SYT9: variants seen among roughly 807,000 people sequenced by gnomAD.
SYT9 encodes the protein synaptotagmin-9.
In SYT9, 22 loss-of-function variants were observed where a neutral mutation model predicts 48.4. The observed-to-expected ratio is 0.45, with a 90% CI of 0.32 to 0.65. The LOEUF is 0.65. SYT9 is among the 30% of genes least tolerant of loss of function. The pLI is 0.03. For missense variants in SYT9, 577 were observed against 622.0 expected (o/e 0.93, Z 0.77); for synonymous variants, 265 against 245.0 (o/e 1.08, Z -0.76).
chr11:7,393,366 C>CT (rs35223641), intron 3 of SYT9, among the ~76,000 whole-genome samples: 158 of 145,270 alleles, frequency 1.1e-3, no homozygotes, highest in African/African-American at 2.6e-3. Context: ...TTGAGATGAT[C>CT]TTTTTTTTTA....
chr11:7,272,564 A>G (rs1348120303), intron 1 of SYT9, among the ~76,000 whole-genome samples: 3 of 152,120 alleles, frequency 2.0e-5, no homozygotes, highest in South Asian at 2.1e-4. Context: ...GGAACTTACC[A>G]TGGACTGGTC....
chr11:7,299,304 C>A (rs12799959), intron 1 of SYT9, among the ~76,000 whole-genome samples: 40,035 of 151,942 alleles, frequency 0.26, 6,021 homozygotes, highest in South Asian at 0.39. Flanking sequence ...CTTTCTAGCA[C>A]CTCTTTCTGA....
rs574043937 is a variant in SYT9, at chr11:7,444,717, G to A, written c.1468-22075G>A. ...CCTGGCTTGTGGTTGCTGCCTCCCTGGGGGCCTGCACCACATAAAGGGCCA... is the reference window on the plus strand; with the variant it reads ...CCTGGCTTGTGGTTGCTGCCTCCCTAGGGGCCTGCACCACATAAAGGGCCA... On this transcript the variant is annotated intron_variant, in intron 6 of 6. Coordinates refer to ENST00000318881, the MANE Select transcript of SYT9 (RefSeq NM_175733.4). Among the ~76,000 whole-genome samples, 129 of 152,220 alleles carry A rather than the reference G, an allele frequency of 8.5e-4. 1 individual carries two copies. The highest frequency in any genetic ancestry group is 3.6e-3 in the Admixed American group (55 of 15,296).
In SYT9 at chr11:7,331,195, T is replaced by G. The variant is rs189479994; in HGVS notation, c.1044+17254T>G. Among the ~76,000 whole-genome samples the G allele has an allele frequency of 4.5e-5, 4 of 89,250 alleles. No homozygotes were observed. The East Asian group carries it at 3.6e-3, about 80-fold the overall frequency. 58.6% of individuals were successfully genotyped at this position (89,250 alleles called of 152,430 possible). On this transcript the variant is annotated intron_variant, in intron 3 of 6. Transcript: ENST00000318881. Reference sequence around the variant, plus strand: ...TTGGAGAAGTGTAAAGATAAAACATTAAAAAATGTGCAAAAGGGATAGCAG... The same window carrying G: ...TTGGAGAAGTGTAAAGATAAAACATGAAAAAATGTGCAAAAGGGATAGCAG...
At chr11:7,400,941 T>C (rs968703993) in intron 3 of SYT9, among the ~76,000 whole-genome samples, 4 of 152,194 alleles carry the variant, frequency 2.6e-5, no homozygotes, top group Non-Finnish European at 5.9e-5. Flanking sequence ...ACAGGTATTC[T>C]GGTGATGCTA....
chr11:7,297,931 A>G (rs1848844597), intron 1 of SYT9, among the ~76,000 whole-genome samples: 1 of 152,060 alleles, frequency 6.6e-6, no homozygotes. Flanking sequence ...TTTCAAATTC[A>G]TTTTGTCTCT....
chr11:7,320,254 G>A (rs1849314586), intron 3 of SYT9, among the ~76,000 whole-genome samples: 1 of 152,094 alleles, frequency 6.6e-6, no homozygotes, highest in Non-Finnish European at 1.5e-5. Context: ...AGGAAAAGGT[G>A]GCTCAAAATG....
At chr11:7,444,395 A>G (rs1429460444) in intron 6 of SYT9, 4 of 152,210 alleles carry the variant, frequency 2.6e-5, no homozygotes, top group Non-Finnish European at 5.9e-5. Context: ...GGAGGCTGCA[A>G]TGTATTTTGC....
intron 3 of SYT9, among the ~76,000 whole-genome samples, chr11:7,350,381 C>T (rs566017696): frequency 6.6e-6 from 1 of 152,258 alleles, no homozygotes; most frequent in Non-Finnish European, 1.5e-5. Flanking sequence ...CTCCAACAAC[C>T]CTCTTTGTCT....
At chr11:7,262,392 G>C (rs1479768038) in intron 1 of SYT9, among the ~76,000 whole-genome samples, 1 of 152,048 alleles carries the variant, frequency 6.6e-6, no homozygotes, top group Non-Finnish European at 1.5e-5. Context: ...CTAGGCTGAA[G>C]GTATAAACAT....
chr11:7,267,515 G>C (rs1238147242), intron 1 of SYT9, among the ~76,000 whole-genome samples: 1 of 151,564 alleles, frequency 6.6e-6, no homozygotes, highest in East Asian at 1.9e-4. Flanking sequence ...GATCTCTTGA[G>C]TTAAAAAAAA....
intron 6 of SYT9, among the ~76,000 whole-genome samples, chr11:7,426,438 C>G (rs1847459541): frequency 1.3e-5 from 2 of 152,150 alleles, no homozygotes; most frequent in East Asian, 1.9e-4. Context: ...GCCCTTAATA[C>G]AGAGTCATTC....
intron 3 of SYT9, among the ~76,000 whole-genome samples, chr11:7,410,157 G>A (rs1847108605): frequency 6.6e-6 from 1 of 152,118 alleles, no homozygotes; most frequent in Non-Finnish European, 1.5e-5. Flanking sequence ...AGGTACCAGA[G>A]TTCCTCCTAG....
chr11:7,267,729 A>G lies in SYT9; in HGVS notation c.145+15398A>G, dbSNP rs193093943. On this transcript the variant is annotated intron_variant, in intron 1 of 6. Coordinates refer to ENST00000318881, the MANE Select transcript of SYT9 (RefSeq NM_175733.4). ...AAAAAAATAAGAGCAAAGCATCAAT[A>G]AAACCAAAAGAAGAAATTACTGAAT... is the stretch of plus-strand genomic sequence containing the variant. 1.7e-3 allele frequency among the ~76,000 whole-genome samples: 252 copies of G among 152,024 alleles called. 3 individuals are homozygous for G. The highest frequency in any genetic ancestry group is 0.01 in the Middle Eastern group (3 of 294).
chr11:7,261,276 A>T (rs1383048597), intron 1 of SYT9, among the ~76,000 whole-genome samples: 1 of 152,186 alleles, frequency 6.6e-6, no homozygotes, highest in Non-Finnish European at 1.5e-5. Flanking sequence ...CAGAACCATT[A>T]AAAGAGTTTA....
intron 3 of SYT9, among the ~76,000 whole-genome samples, chr11:7,373,544 C>T (rs11605505): frequency 6.6e-6 from 1 of 152,104 alleles, no homozygotes; most frequent in Non-Finnish European, 1.5e-5. Flanking sequence ...TCCAGAGGCC[C>T]TGAGTTGTTC....
At chr11:7,390,352 T>G (rs1333297139) in intron 3 of SYT9, among the ~76,000 whole-genome samples, 2 of 152,196 alleles carry the variant, frequency 1.3e-5, no homozygotes, top group African/African-American at 2.4e-5. Context: ...AAATATTATT[T>G]TAACTACCTG....
chr11:7,264,865 G>A (rs1848147932), intron 1 of SYT9, among the ~76,000 whole-genome samples: 1 of 152,120 alleles, frequency 6.6e-6, no homozygotes, highest in Non-Finnish European at 1.5e-5. Context: ...GAGCAACTGG[G>A]CTCTCCCAGG....
At chr11:7,391,799 C>T (rs1238959528) in intron 3 of SYT9, among the ~76,000 whole-genome samples, 1 of 144,764 alleles carries the variant, frequency 6.9e-6, no homozygotes, top group Non-Finnish European at 1.5e-5. Flanking sequence ...GCCTGTAGTC[C>T]CAGCTACTCG....
Sources: gnomAD v4.1 joint callset for allele counts (sites outside exome capture counted in the v4.1 genomes callset) on GRCh38, gnomAD v4.1.1 for gene constraint, MANE v1.5 for transcripts, NCBI Gene and HGNC (gene_info 2026-07-23, HGNC 2026-07-21) for gene names.